PIKFYVE: variants seen among roughly 807,000 people sequenced by gnomAD.
PIKFYVE encodes phosphoinositide kinase, FYVE-type zinc finger containing.
A neutral mutation model predicts 257.9 loss-of-function variants in PIKFYVE; 122 were observed. The observed-to-expected ratio is 0.47, with a 90% CI of 0.41 to 0.55. The LOEUF is 0.55. PIKFYVE is among the 20% of genes least tolerant of loss of function. PIKFYVE has a pLI of 0.00. For synonymous variants in PIKFYVE, 892 were observed against 868.9 expected, an observed-to-expected ratio of 1.03 and a Z score of -0.47; for missense variants, 2,160 against 2,536.6, an observed-to-expected ratio of 0.85 and a Z score of 3.19.
At chr2:208,323,424 T>C (rs1258998534) in intron 17 of PIKFYVE, among the ~76,000 whole-genome samples, 1 of 151,798 alleles carries the variant, frequency 6.6e-6, no homozygotes, top group Non-Finnish European at 1.5e-5. Context: ...TCCACGTCCC[T>C]ACAAAGGACA....
chr2:208,310,908 A>G (rs1574563264), intron 12 of PIKFYVE, among the ~76,000 whole-genome samples: 1 of 152,302 alleles, frequency 6.6e-6, no homozygotes, highest in African/African-American at 2.4e-5. Flanking sequence ...CTATTAAGAC[A>G]TTGTTAATTT....
chr2:208,340,239 T>A, intron 31 of PIKFYVE, 108 bp downstream of exon 31: 1 of 1,357,248 alleles, frequency 7.4e-7, no homozygotes, highest in Non-Finnish European at 1.0e-6. Context: ...CAATCCTAAA[T>A]TTTATTTCAT....
intron 33 of PIKFYVE, 34 bp from the exon 34 acceptor site, chr2:208,346,016 A>G (rs746541710): frequency 6.5e-7 from 1 of 1,530,050 alleles, no homozygotes; most frequent in East Asian, 2.3e-5. Context: ...CTTGTATAAA[A>G]CTAAATTTTT....
At chr2:208,338,973 T>C (rs907296019) in intron 29 of PIKFYVE, among the ~76,000 whole-genome samples, 2 of 152,226 alleles carry the variant, frequency 1.3e-5, no homozygotes, top group African/African-American at 4.8e-5. Flanking sequence ...GGTGTCATCA[T>C]AGAAACTTTG....
chr2:208,273,527 C>G, intron 2 of PIKFYVE, 57 bp from the exon 3 acceptor site: 1 of 1,608,292 alleles, frequency 6.2e-7, no homozygotes, highest in Non-Finnish European at 8.5e-7. Context: ...TCATCTACTT[C>G]CTTCTCATTG....
chr2:208,325,212 T>C (rs1356480011), intron 19 of PIKFYVE, 58 bp from the exon 20 acceptor site: 4 of 1,572,278 alleles, frequency 2.5e-6, no homozygotes, highest in Non-Finnish European at 3.5e-6. Flanking sequence ...TTAATTCTAT[T>C]TGTACTTCTG....
chr2:208,336,781 C>T, intron 27 of PIKFYVE, 57 bp from the exon 28 acceptor site: 1 of 1,119,902 alleles, frequency 8.9e-7, no homozygotes, highest in Non-Finnish European at 1.3e-6. Flanking sequence ...TTATAAACAG[C>T]ACTCAAGGGG....
chr2:208,321,575 G>T lies in PIKFYVE; in HGVS notation c.2190+1216G>T, dbSNP rs2363467. Among the ~76,000 whole-genome samples, 713 of 142,844 alleles carry T rather than the reference G, an allele frequency of 5.0e-3. 48 individuals carry two copies. The highest frequency in any genetic ancestry group is 6.5e-3 in the Non-Finnish European group (429 of 66,302). 93.7% of individuals were successfully genotyped at this position (142,844 alleles called of 152,430 possible). On this transcript the variant is annotated intron_variant, in intron 17 of 41. Transcript: ENST00000264380. The stretch of plus-strand genomic sequence containing the variant: ...TTCTTTTTTCTTTTTCTTTTCTTTT[G>T]TTTTTTTTTTTTTTTTTTTGAGACG...
chr2:208,337,570 T>C (rs1219796677), intron 28 of PIKFYVE, among the ~76,000 whole-genome samples: 2 of 151,968 alleles, frequency 1.3e-5, no homozygotes, highest in Non-Finnish European at 2.9e-5. Context: ...TATCTAGATA[T>C]ATCTATCTGT....
At chr2:208,344,151 C>T (rs1017557263) in intron 32 of PIKFYVE, among the ~76,000 whole-genome samples, 5 of 152,140 alleles carry the variant, frequency 3.3e-5, no homozygotes, top group African/African-American at 1.2e-4. Flanking sequence ...GGTAGCTGAA[C>T]TTAGTTTAAA....
chr2:208,329,855 G>C lies in PIKFYVE; in HGVS notation c.3733G>C (p.Glu1245Gln), dbSNP rs1158153705. The C allele has an allele frequency of 1.9e-6, 3 of 1,610,516 alleles. No individual in the cohort carries two copies. The highest frequency in any genetic ancestry group is 2.5e-6 in the Non-Finnish European group (3 of 1,177,694). Residue 1245 changes from glutamate to glutamine, a missense_variant, in exon 22 of 42, where the codon GAA (glutamate) becomes CAA (glutamine). This residue lies in a region of PIKFYVE where 522 missense variants were observed against 514.6 expected (regional missense o/e 1.01). Transcript: ENST00000264380. The stretch of plus-strand genomic sequence containing the variant: ...TCTCTTCTTTAGGATTGTAACAATG[G>C]AATTTTATGGAAAGAATGATCTTAC... Reference protein sequence around the residue: ...ACVSPWIVTMEFYGKNDLTLG... With the variant: ...ACVSPWIVTMQFYGKNDLTLG...
At chr2:208,315,882 A>G (rs1043987154) in intron 15 of PIKFYVE, among the ~76,000 whole-genome samples, 9 of 148,972 alleles carry the variant, frequency 6.0e-5, no homozygotes, top group African/African-American at 7.4e-5. Context: ...TTTTTTTTTA[A>G]TTATTATTAT....
chr2:208,338,603 G>A (rs1419950396), intron 29 of PIKFYVE, 35 bp downstream of exon 29: 10 of 1,585,528 alleles, frequency 6.3e-6, no homozygotes, highest in Non-Finnish European at 8.7e-6. Context: ...CTTGCCGTAG[G>A]ATTTAAAGAA....
At chr2:208,338,747 A>G (rs1178005435) in intron 29 of PIKFYVE, among the ~76,000 whole-genome samples, 179 bp downstream of exon 29, 1 of 152,248 alleles carries the variant, frequency 6.6e-6, no homozygotes, top group Non-Finnish European at 1.5e-5. Flanking sequence ...TATTGCAATA[A>G]GATAAATCAG....
chr2:208,275,382 G>C (rs1010034770), intron 3 of PIKFYVE, among the ~76,000 whole-genome samples: 1 of 152,182 alleles, frequency 6.6e-6, no homozygotes, highest in Admixed American at 6.5e-5. Context: ...CTAAATGCCA[G>C]GGACTTCACA....
chr2:208,324,782 A>T, intron 18 of PIKFYVE, 129 bp from the exon 19 acceptor site: 1 of 1,145,878 alleles, frequency 8.7e-7, no homozygotes, highest in Non-Finnish European at 1.2e-6. Context: ...AAAAAAATTC[A>T]TCATATATTT....
chr2:208,327,384 AG>A (rs1415045236), intron 20 of PIKFYVE, among the ~76,000 whole-genome samples: 1 of 152,158 alleles, frequency 6.6e-6, no homozygotes, highest in Non-Finnish European at 1.5e-5. Flanking sequence ...TGCTTATATA[AG>A]GGTGCTTGCA....
intron 18 of PIKFYVE, 43 bp downstream of exon 18, chr2:208,324,325 G>A (rs772709200): frequency 5.0e-6 from 8 of 1,596,550 alleles, no homozygotes; most frequent in Non-Finnish European, 6.9e-6. Flanking sequence ...AAAAATCACA[G>A]CTTTTAAATT....
chr2:208,302,579 A>C, intron 10 of PIKFYVE: 1 of 504,608 alleles, frequency 2.0e-6, no homozygotes, highest in Non-Finnish European at 3.6e-6. Context: ...TCAGACAATA[A>C]AAAAGGAAAA....
Sources: gnomAD v4.1 joint callset for allele counts (sites outside exome capture counted in the v4.1 genomes callset) on GRCh38, gnomAD v4.1.1 for gene constraint, gnomAD v4.1.1 regional missense constraint, MANE v1.5 for transcripts, NCBI Gene and HGNC (gene_info 2026-07-23, HGNC 2026-07-21) for gene names.